Variants in EOGT observed in about 807,000 individuals in gnomAD.
The protein encoded by EOGT is EGF domain-specific O-linked N-acetylglucosamine transferase.
Under a neutral mutation model 70.5 loss-of-function variants are expected in EOGT, and 55 were observed. The ratio of observed to expected loss-of-function variants is 0.78; its 90% CI spans 0.63 to 0.98. The LOEUF is 0.98. Among genes scored for constraint, EOGT ranks in the 50% least tolerant of loss-of-function variants. The probability of loss-of-function intolerance (pLI) is 0.00; values close to 1 mark genes in which losing one functional copy is unlikely to be tolerated. For missense variants in EOGT, 703 were observed against 641.9 expected, an observed-to-expected ratio of 1.10 and a Z score of -1.03; for synonymous variants, 246 against 217.1, an observed-to-expected ratio of 1.13 and a Z score of -1.17.
intron 10 of EOGT, among the ~76,000 whole-genome samples, chr3:68,994,235 T>A (rs911779049): frequency 6.6e-6 from 1 of 152,110 alleles, no homozygotes; most frequent in East Asian, 1.9e-4. Flanking sequence ...TCCTAGCTAC[T>A]TGGGAGGCTG....
intron 10 of EOGT, among the ~76,000 whole-genome samples, chr3:68,996,348 T>C (rs1396721152): frequency 1.3e-5 from 2 of 152,208 alleles, no homozygotes; most frequent in Admixed American, 6.5e-5. Context: ...CTGTCTCTCC[T>C]TCTGCATGAG....
At chr3:69,001,858 TTAC>T in intron 8 of EOGT, 144 bp from the exon 9 acceptor site, 2 of 619,480 alleles carry the variant, frequency 3.2e-6, no homozygotes, top group Non-Finnish European at 5.6e-6. Flanking sequence ...CTTCTAAAAC[TTAC>T]TGACTTTTAT....
rs1167002398 is a variant in EOGT, at chr3:68,977,314, ACT to A, written c.*302_*303del. The A allele has an allele frequency of 4.7e-5, 11 of 231,712 alleles. 1 individual carries two copies. The highest frequency in any genetic ancestry group is 2.9e-4 in the African/African-American group (11 of 38,568). 14.4% of individuals were successfully genotyped at this position (231,712 alleles called of 1,614,324 possible). A position where few individuals can be genotyped will look rare whatever the true frequency, so the allele number is the denominator to read the frequency against. The stretch of plus-strand genomic sequence containing the variant: ...GCACTCCAGCCTGGGTGACAGTGAG[ACT>A]CTGTCTCCAAAAAAAAAAAAAGAAA... On this transcript the variant is annotated 3_prime_UTR_variant, in exon 18 of 18. Transcript: ENST00000383701.
In EOGT at chr3:68,976,079, A is replaced by C. The variant is rs2090465837; in HGVS notation, c.*1539T>G. The stretch of plus-strand genomic sequence containing the variant: ...ACTACTAAATTGAAAGTTCATAAGC[A>C]GTAAGAAATGAATCCCACTCAAAGA... On this transcript the variant is annotated 3_prime_UTR_variant, in exon 18 of 18. Coordinates refer to ENST00000383701, the MANE Select transcript of EOGT (RefSeq NM_001278689.2). 6.6e-6 allele frequency: 1 copy of C among 152,234 alleles called. No homozygotes were observed. The highest frequency in any genetic ancestry group is 2.4e-5 in the African/African-American group (1 of 41,480). 9.4% of individuals were successfully genotyped at this position (152,234 alleles called of 1,614,324 possible).
intron 15 of EOGT, 104 bp from the exon 16 acceptor site, chr3:68,979,891 C>T: frequency 9.4e-7 from 1 of 1,062,680 alleles, no homozygotes; most frequent in South Asian, 2.3e-5. Flanking sequence ...AGTGTATTGC[C>T]CATTTTAAAC....
chr3:69,006,193 T>C (rs550039948), intron 6 of EOGT, among the ~76,000 whole-genome samples: 1 of 152,304 alleles, frequency 6.6e-6, no homozygotes, highest in Admixed American at 6.5e-5. Context: ...ATAGGGGTTG[T>C]CATTATTATC....
At chr3:69,011,484 G>A (rs567540715) in intron 3 of EOGT, among the ~76,000 whole-genome samples, 8 of 151,204 alleles carry the variant, frequency 5.3e-5, no homozygotes, top group Non-Finnish European at 1.0e-4. Flanking sequence ...AAAATCAGCT[G>A]TAGTCCCAGC....
At chr3:68,996,628 G>A (rs1051842447) in intron 10 of EOGT, among the ~76,000 whole-genome samples, 24 of 152,286 alleles carry the variant, frequency 1.6e-4, no homozygotes, top group South Asian at 8.3e-4. Flanking sequence ...CCAAGGCATC[G>A]CCTGTACCTG....
intron 8 of EOGT, among the ~76,000 whole-genome samples, chr3:69,001,968 G>A (rs1451270596): frequency 6.6e-6 from 1 of 152,206 alleles, no homozygotes; most frequent in Non-Finnish European, 1.5e-5. Flanking sequence ...GAGGCAGTCA[G>A]ATCACGAGGT....
rs374614294 is a variant in EOGT, at chr3:68,978,422, C to T, written c.1348G>A (p.Asp450Asn). 5 of 1,609,800 alleles carry T rather than the reference C, an allele frequency of 3.1e-6. No homozygotes were observed. The highest frequency in any genetic ancestry group is 1.3e-5 in the African/African-American group (1 of 74,620). ...AAVFELYNCE[D>N]ERCYLDLARL... is the part of the protein sequence containing the mutation. ...GCCAAGTCTAAGTAACAGCGTTCATCTTCACAGTTGTACCTAAGGACACAA... is the reference window on the plus strand; with the variant it reads ...GCCAAGTCTAAGTAACAGCGTTCATTTTCACAGTTGTACCTAAGGACACAA... The change falls in exon 17 of 18, where the codon GAT (aspartate) becomes AAT (asparagine). Residue 450 changes from aspartate (D) to asparagine (N), a missense_variant. Asp to Asn is a conservative substitution (Grantham distance 23, BLOSUM62 1). Transcript: ENST00000383701.
intron 5 of EOGT, 66 bp from the exon 6 acceptor site, chr3:69,007,887 C>A (rs2091479487): frequency 1.8e-6 from 2 of 1,133,426 alleles, no homozygotes; most frequent in Non-Finnish European, 1.3e-6. Flanking sequence ...AATTTTCATT[C>A]TAAAGGTTAA....
At chr3:68,983,822 G>A (rs980256348) in intron 14 of EOGT, among the ~76,000 whole-genome samples, 1 of 152,152 alleles carries the variant, frequency 6.6e-6, no homozygotes, top group African/African-American at 2.4e-5. Context: ...AATTAGCTGG[G>A]TGTGGTGGCA....
At chr3:68,993,244 C>A (rs986882209) in intron 10 of EOGT, among the ~76,000 whole-genome samples, 1 of 152,142 alleles carries the variant, frequency 6.6e-6, no homozygotes, top group African/African-American at 2.4e-5. Context: ...CTCTGTTTCC[C>A]TTTTAAAACT....
intron 5 of EOGT, 111 bp from the exon 6 acceptor site, chr3:69,007,932 A>G: frequency 1.4e-6 from 1 of 691,466 alleles, no homozygotes. Context: ...TAATTTTGTT[A>G]CAGTATATTA....
chr3:68,982,843 T>C lies in EOGT; in HGVS notation c.1182A>G (p.Thr394=). 6.2e-7 allele frequency: 1 copy of C among 1,605,126 alleles called. No individual in the cohort carries two copies. The highest frequency in any genetic ancestry group is 8.5e-7 in the Non-Finnish European group (1 of 1,175,922). Residue 394 remains threonine, a synonymous_variant, in exon 15 of 18, where the codon ACA becomes ACG. Coordinates refer to ENST00000383701, the MANE Select transcript of EOGT (RefSeq NM_001278689.2). The part of the protein sequence containing the change: ...ELVNALKTVS[T]FEVQIVDYKY... ...TGTAATCAACAATCTGGACTTCAAATGTAGATACTGTTTTCAGTGCATTTA... is the reference window on the plus strand; with the variant it reads ...TGTAATCAACAATCTGGACTTCAAACGTAGATACTGTTTTCAGTGCATTTA...
intron 10 of EOGT, among the ~76,000 whole-genome samples, chr3:68,992,215 A>G (rs2091012494): frequency 6.6e-6 from 1 of 152,224 alleles, no homozygotes; most frequent in African/African-American, 2.4e-5. Flanking sequence ...TCCACAGTCC[A>G]AAGTCTCATC....
chr3:69,000,957 AT>A (rs765794230), intron 9 of EOGT, among the ~76,000 whole-genome samples: 717 of 138,264 alleles, frequency 5.2e-3, no homozygotes, highest in Middle Eastern at 0.014. Context: ...ATGGCTTTTG[AT>A]TTTTTTTTTT....
At chr3:68,983,714 A>G (rs2090719624) in intron 14 of EOGT, among the ~76,000 whole-genome samples, 1 of 152,252 alleles carries the variant, frequency 6.6e-6, no homozygotes, top group African/African-American at 2.4e-5. Context: ...CTGCAATCCC[A>G]GCACTTTGGG....
At chr3:68,997,494 G>A (rs2091183287) in intron 10 of EOGT, among the ~76,000 whole-genome samples, 1 of 151,788 alleles carries the variant, frequency 6.6e-6, no homozygotes, top group Non-Finnish European at 1.5e-5. Context: ...ACAGCCTCCT[G>A]AGTAGCTGGG....
Sources: allele counts gnomAD v4.1 joint callset (sites outside exome capture counted in the v4.1 genomes callset), GRCh38; gene constraint gnomAD v4.1.1; transcripts MANE v1.5; gene names NCBI Gene and HGNC (gene_info 2026-07-23, HGNC 2026-07-21).